Variants in XKR4 observed in about 807,000 individuals in gnomAD.
XKR4 encodes XK related 4.
A neutral mutation model predicts 53.9 loss-of-function variants in XKR4; 12 were observed. The ratio of observed to expected loss-of-function variants is 0.22; its 90% CI spans 0.14 to 0.36. The LOEUF (loss-of-function observed/expected upper bound fraction) is 0.36. Ranked by LOEUF, XKR4 falls within the 10% of genes least tolerant of loss-of-function variation. The probability of loss-of-function intolerance (pLI) is 1.00; values close to 1 mark genes in which losing one functional copy is unlikely to be tolerated. For missense variants in XKR4, 799 were observed against 859.5 expected (o/e 0.93, Z 0.88); for synonymous variants, 354 against 362.4 (o/e 0.98, Z 0.26).
chr8:55,378,462 T>G (rs1336385022), intron 2 of XKR4, among the ~76,000 whole-genome samples: 4 of 152,252 alleles, frequency 2.6e-5, no homozygotes, highest in Non-Finnish European at 5.9e-5. Context: ...GGTCTCATAA[T>G]AAAAGAAATA....
chr8:55,303,112 A>T (rs1256836799), intron 1 of XKR4, among the ~76,000 whole-genome samples: 1 of 152,220 alleles, frequency 6.6e-6, no homozygotes, highest in Non-Finnish European at 1.5e-5. Flanking sequence ...TTGCCCATTC[A>T]GTATGATATT....
intron 1 of XKR4, among the ~76,000 whole-genome samples, chr8:55,202,719 C>A (rs1817591568): frequency 6.6e-6 from 1 of 152,208 alleles, no homozygotes; most frequent in Admixed American, 6.5e-5. Flanking sequence ...AGATTTAAGT[C>A]TGCTTCTAAG....
chr8:55,415,048 G>C (rs972785181), intron 2 of XKR4, among the ~76,000 whole-genome samples: 1 of 152,112 alleles, frequency 6.6e-6, no homozygotes, highest in Non-Finnish European at 1.5e-5. Flanking sequence ...CTTGTTTCTT[G>C]TTCAGAACAT....
At chr8:55,320,059 G>A (rs1227192629) in intron 1 of XKR4, among the ~76,000 whole-genome samples, 1 of 152,126 alleles carries the variant, frequency 6.6e-6, no homozygotes, top group Non-Finnish European at 1.5e-5. Flanking sequence ...TATTTTTCTT[G>A]CACCATCTCT....
At chr8:55,505,470 G>C (rs1455128814) in intron 2 of XKR4, among the ~76,000 whole-genome samples, 1 of 152,148 alleles carries the variant, frequency 6.6e-6, no homozygotes, top group Non-Finnish European at 1.5e-5. Context: ...AGGATCCCTT[G>C]AGCCCAGGAG....
chr8:55,484,480 A>T (rs1806162895), intron 2 of XKR4, among the ~76,000 whole-genome samples: 2 of 152,256 alleles, frequency 1.3e-5, no homozygotes, highest in Non-Finnish European at 1.5e-5. Context: ...ACCATAACCA[A>T]GCAGGGTTTG....
intron 2 of XKR4, among the ~76,000 whole-genome samples, chr8:55,395,873 C>T (rs1038580918): frequency 1.3e-5 from 2 of 152,156 alleles, no homozygotes; most frequent in East Asian, 1.9e-4. Flanking sequence ...CAACAACAGA[C>T]ATTTATTTCT....
chr8:55,340,804 A>T (rs971032060), intron 1 of XKR4, among the ~76,000 whole-genome samples: 1 of 152,204 alleles, frequency 6.6e-6, no homozygotes, highest in Non-Finnish European at 1.5e-5. Context: ...GGATTTGGTC[A>T]TGCCTTTTGT....
intron 1 of XKR4, among the ~76,000 whole-genome samples, chr8:55,228,523 C>A (rs1817988790): frequency 6.6e-6 from 1 of 151,696 alleles, no homozygotes; most frequent in Admixed American, 6.6e-5. Context: ...AAGCCTTAGG[C>A]ACGTATGTGA....
At chr8:55,412,662 G>C (rs544662546) in intron 2 of XKR4, among the ~76,000 whole-genome samples, 6 of 152,346 alleles carry the variant, frequency 3.9e-5, no homozygotes, top group Admixed American at 1.3e-4. Context: ...AAAAGTCCTT[G>C]AATACCTTCT....
chr8:55,510,999 G>T (rs1182609979), intron 2 of XKR4, among the ~76,000 whole-genome samples: 1 of 152,186 alleles, frequency 6.6e-6, no homozygotes, highest in Non-Finnish European at 1.5e-5. Context: ...TCAGGGTATT[G>T]AGTTGTTTTT....
intron 1 of XKR4, among the ~76,000 whole-genome samples, chr8:55,234,085 A>G (rs914775564): frequency 1.3e-5 from 2 of 152,204 alleles, no homozygotes; most frequent in African/African-American, 4.8e-5. Flanking sequence ...GTCAAGATAG[A>G]TATTAGCAAA....
At chr8:55,434,690 A>C (rs1350230650) in intron 2 of XKR4, among the ~76,000 whole-genome samples, 1 of 152,210 alleles carries the variant, frequency 6.6e-6, no homozygotes, top group African/African-American at 2.4e-5. Context: ...TAAATCTGTT[A>C]ATGGTAATGG....
Position 55,102,844 on chromosome 8 carries a change from T to G in XKR4, c.356T>G (p.Val119Gly). ...LWDCLWILAA[V>G]AVYFADVGTD... ...GACTGCCTCTGGATCCTGGCCGCCG[T>G]GGCCGTGTACTTCGCGGACGTGGGC... is the stretch of plus-strand genomic sequence containing the variant. Residue 119 changes from valine (V) to glycine (G), a missense_variant, in exon 1 of 3, where the codon GTG becomes GGG. By Grantham distance (109) the Val-to-Gly change is moderately radical. This residue lies in a region of XKR4 where 476 missense variants were observed against 505.4 expected (regional missense o/e 0.94). Coordinates refer to ENST00000327381, the MANE Select transcript of XKR4 (RefSeq NM_052898.2). The surrounding 1 kb of genome is among the most constrained non-coding windows in gnomAD (Gnocchi z 5.1). 1.2e-6 allele frequency: 2 copies of G among 1,611,394 alleles called. No homozygotes were observed. The highest frequency in any genetic ancestry group is 2.2e-5 in the South Asian group (2 of 91,088).
At chr8:55,258,646 T>C (rs1291940288) in intron 1 of XKR4, among the ~76,000 whole-genome samples, 1 of 152,216 alleles carries the variant, frequency 6.6e-6, no homozygotes, top group East Asian at 1.9e-4. Context: ...TACTGAGCAA[T>C]CATTATTATT....
chr8:55,196,403 G>C (rs1163204483), intron 1 of XKR4, among the ~76,000 whole-genome samples: 1 of 152,028 alleles, frequency 6.6e-6, no homozygotes, highest in Non-Finnish European at 1.5e-5. Context: ...GGCTGGTCTT[G>C]AACTCCTGGC....
At chr8:55,454,060 G>A in intron 2 of XKR4, 2 of 832,126 alleles carry the variant, frequency 2.4e-6, no homozygotes, top group Non-Finnish European at 4.1e-6. Flanking sequence ...GCTGATGGAA[G>A]AGCCGCAGCT....
chr8:55,498,326 T>C (rs966568845), intron 2 of XKR4, among the ~76,000 whole-genome samples: 3 of 152,162 alleles, frequency 2.0e-5, no homozygotes, highest in Non-Finnish European at 2.9e-5. Flanking sequence ...GGACAGGGCA[T>C]GCAGGGGGTC....
intron 1 of XKR4, among the ~76,000 whole-genome samples, chr8:55,300,081 G>T (rs537739108): frequency 6.6e-6 from 1 of 152,194 alleles, no homozygotes; most frequent in Non-Finnish European, 1.5e-5. Flanking sequence ...TGGATACCAA[G>T]AGCTGATAGG....
Sources: gnomAD v4.1 joint callset for allele counts (sites outside exome capture counted in the v4.1 genomes callset) on GRCh38, gnomAD v4.1.1 for gene constraint, gnomAD v4.1.1 regional missense constraint, Gnocchi (gnomAD v3.1) non-coding constraint, MANE v1.5 for transcripts, NCBI Gene and HGNC (gene_info 2026-07-23, HGNC 2026-07-21) for gene names.